OTULIN: variants seen among roughly 807,000 people sequenced by gnomAD.
The protein encoded by OTULIN is ubiquitin thioesterase otulin.
Under a neutral mutation model 39.6 loss-of-function variants are expected in OTULIN, and 15 were observed. The observed-to-expected ratio is 0.38, with a 90% CI of 0.25 to 0.58. The LOEUF (loss-of-function observed/expected upper bound fraction) is 0.58. Ranked by LOEUF, OTULIN falls within the 20% of genes least tolerant of loss-of-function variation. OTULIN has a pLI of 0.66. For synonymous variants in OTULIN, 156 were observed against 170.3 expected (o/e 0.92, Z 0.65); for missense variants, 319 against 445.9 (o/e 0.72, Z 2.56).
chr5:14,668,332 A>G (rs149134063), intron 1 of OTULIN, among the ~76,000 whole-genome samples: 123 of 152,310 alleles, frequency 8.1e-4, no homozygotes, highest in African/African-American at 2.8e-3. Context: ...GAGTGGCTGC[A>G]TTGACCCCGG....
intron 3 of OTULIN, among the ~76,000 whole-genome samples, chr5:14,680,087 T>A (rs900469797): frequency 2.0e-5 from 3 of 152,232 alleles, no homozygotes; most frequent in African/African-American, 7.2e-5. Flanking sequence ...AAATTCAGAT[T>A]TAATTTTATT....
intron 1 of OTULIN, among the ~76,000 whole-genome samples, chr5:14,665,802 G>A (rs549554098): frequency 6.6e-6 from 1 of 152,082 alleles, no homozygotes; most frequent in Non-Finnish European, 1.5e-5. Context: ...CCTAAAAAGG[G>A]GTCCTTTGGA....
In OTULIN at chr5:14,681,594, C is replaced by A; in HGVS notation, c.455C>A (p.Pro152Gln). ...GGGCTGCCGCCCTGGCTGCAGGACC[C>A]GGAGCTCATGCTGGTACGCTGCTGC... Reference protein sequence around the residue: ...AVGLPPWLQDPELMLLPEKLI... With the variant: ...AVGLPPWLQDQELMLLPEKLI... The change falls in exon 4 of 7, where the codon CCG (proline) becomes CAG (glutamine). Residue 152 changes from proline (P) to glutamine (Q), a missense_variant. Around this residue, in one of 4 missense-constraint regions of OTULIN, gnomAD observed 54 missense variants for 50.7 expected, o/e 1.07. Coordinates refer to ENST00000284274, the MANE Select transcript of OTULIN (RefSeq NM_138348.6). 1.2e-6 allele frequency: 2 copies of A among 1,611,756 alleles called. No homozygotes were observed. Among genetic ancestry groups the A allele is most frequent in the Non-Finnish European group, 1.7e-6 (2 of 1,179,464 alleles).
At chr5:14,670,070 CTG>C (rs1234277533) in intron 1 of OTULIN, among the ~76,000 whole-genome samples, 1 of 152,212 alleles carries the variant, frequency 6.6e-6, no homozygotes, top group African/African-American at 2.4e-5. Context: ...CAAATTTTAA[CTG>C]TGGAATTGAG....
rs1736615626 is a variant in OTULIN, at chr5:14,694,470, G to C, written c.*1422G>C. 6.6e-6 allele frequency: 1 copy of C among 152,228 alleles called. No homozygotes were observed. The highest frequency in any genetic ancestry group is 1.5e-5 in the Non-Finnish European group (1 of 68,044). The allele number at this position is 152,228 out of a possible 1,614,324, so 9.4% of individuals were successfully genotyped here. A position where few individuals can be genotyped will look rare whatever the true frequency, so the allele number is the denominator to read the frequency against. On this transcript the variant is annotated 3_prime_UTR_variant, in exon 7 of 7. Coordinates refer to ENST00000284274, the MANE Select transcript of OTULIN (RefSeq NM_138348.6). ...ACGTTTGTGGAGGTGGTATTTCCCT[G>C]AAGTACTGAGCTTTGTTTTATAATA... is the stretch of plus-strand genomic sequence containing the variant.
chr5:14,666,149 T>A (rs545332904), intron 1 of OTULIN, among the ~76,000 whole-genome samples: 1 of 152,366 alleles, frequency 6.6e-6, no homozygotes, highest in East Asian at 1.9e-4. Flanking sequence ...TTTAATGCCC[T>A]GTCTCACGTG....
intron 4 of OTULIN, among the ~76,000 whole-genome samples, chr5:14,682,493 T>TA (rs899031561): frequency 5.0e-3 from 743 of 149,526 alleles, no homozygotes; most frequent in African/African-American, 0.016. Context: ...ATTTTTAAAT[T>TA]AAAAAAAAAA....
chr5:14,676,704 C>T (rs938168115), intron 2 of OTULIN, among the ~76,000 whole-genome samples: 1 of 152,182 alleles, frequency 6.6e-6, no homozygotes, highest in African/African-American at 2.4e-5. Context: ...CCCAGGAGTC[C>T]CTTTCTGAGC....
chr5:14,710,442 G>A, the OTULIN span: 1 of 152,422 alleles, frequency 6.6e-6, no homozygotes, highest in African/African-American at 2.4e-5. Context: ...GTATATACAC[G>A]GTGGGGGTGA....
the OTULIN span, among the ~76,000 whole-genome samples, chr5:14,712,486 C>G: frequency 6.6e-6 from 1 of 152,250 alleles, no homozygotes; most frequent in Admixed American, 6.5e-5. Flanking sequence ...CTTGGACTGC[C>G]CAGTCCTTGT....
At position 14,698,916 on chromosome 5, in the gene OTULIN, G is replaced by A. The variant is rs557980806; in HGVS notation, c.*5868G>A. On this transcript the variant is annotated 3_prime_UTR_variant, in exon 7 of 7. Transcript: ENST00000284274. ...TGGGTCTGGATTCAACAGCATTCCC[G>A]CTGCCCACTAAAAGGGTGGGCTTGG... The A allele has an allele frequency of 2.0e-5, 3 of 152,330 alleles. No individual in the cohort carries two copies. The highest frequency in any genetic ancestry group is 2.1e-4 in the South Asian group (1 of 4,824). The allele number at this position is 152,330 out of a possible 1,614,324, so 9.4% of individuals were successfully genotyped here. A position where few individuals can be genotyped will look rare whatever the true frequency, so the allele number is the denominator to read the frequency against.
At chr5:14,676,513 A>G (rs1442274947) in intron 2 of OTULIN, among the ~76,000 whole-genome samples, 1 of 152,224 alleles carries the variant, frequency 6.6e-6, no homozygotes, top group African/African-American at 2.4e-5. Flanking sequence ...TCACTACGCT[A>G]CGTAGGCCTC....
intron 1 of OTULIN, among the ~76,000 whole-genome samples, chr5:14,666,348 A>C (rs1253719096): frequency 6.6e-6 from 1 of 152,220 alleles, no homozygotes; most frequent in Non-Finnish European, 1.5e-5. Flanking sequence ...TTTTTGTGGC[A>C]CAGGTGCCTC....
At chr5:14,683,018 G>A (rs1736293938) in intron 4 of OTULIN, among the ~76,000 whole-genome samples, 1 of 152,148 alleles carries the variant, frequency 6.6e-6, no homozygotes, top group Non-Finnish European at 1.5e-5. Flanking sequence ...GAGATCACAC[G>A]CTCAGAAGGG....
intron 1 of OTULIN, among the ~76,000 whole-genome samples, chr5:14,667,373 A>T (rs1409814980): frequency 6.6e-6 from 1 of 152,178 alleles, no homozygotes; most frequent in African/African-American, 2.4e-5. Context: ...TGGATAAGCT[A>T]CATTGTTTTC....
chr5:14,708,338 C>T, the OTULIN span: 1 of 152,224 alleles, frequency 6.6e-6, no homozygotes, highest in Admixed American at 6.5e-5. Flanking sequence ...AGCAATCACT[C>T]AGTTTTGGAG....
chr5:14,669,439 A>C (rs1367870267), intron 1 of OTULIN, among the ~76,000 whole-genome samples: 1 of 152,156 alleles, frequency 6.6e-6, no homozygotes, highest in Non-Finnish European at 1.5e-5. Flanking sequence ...CCATAGTGCA[A>C]AACTAAGTAT....
intron 4 of OTULIN, among the ~76,000 whole-genome samples, chr5:14,682,938 TG>T (rs1376961774): frequency 1.3e-5 from 2 of 152,048 alleles, no homozygotes; most frequent in African/African-American, 4.8e-5. Context: ...GGAACTGGGG[TG>T]TTTTCCTAGA....
chr5:14,678,895 T>C, intron 3 of OTULIN, 120 bp downstream of exon 3: 1 of 546,834 alleles, frequency 1.8e-6, no homozygotes, highest in Non-Finnish European at 3.1e-6. Context: ...TTGTTATTGG[T>C]GTTCTAATTT....
Sources: allele counts gnomAD v4.1 joint callset (sites outside exome capture counted in the v4.1 genomes callset), GRCh38; gene constraint gnomAD v4.1.1; regional missense constraint gnomAD v4.1.1; transcripts MANE v1.5; gene names NCBI Gene and HGNC (gene_info 2026-07-23, HGNC 2026-07-21).